ERBB4: variants seen among roughly 807,000 people sequenced by gnomAD.
ERBB4 encodes erb-b2 receptor tyrosine kinase 4, also known as receptor tyrosine-protein kinase erbB-4.
Under a neutral mutation model 158.0 loss-of-function variants are expected in ERBB4, and 42 were observed. The ratio of observed to expected loss-of-function variants is 0.27; its 90% CI spans 0.21 to 0.34. The LOEUF is 0.34. ERBB4 is among the 10% of genes least tolerant of loss of function. The pLI is 1.00. For missense variants in ERBB4, 1,333 were observed against 1,624.1 expected (o/e 0.82, Z 3.08); for synonymous variants, 583 against 558.7 (o/e 1.04, Z -0.61).
At chr2:211,880,455 T>A (rs1212412616) in intron 3 of ERBB4, among the ~76,000 whole-genome samples, 1 of 152,164 alleles carries the variant, frequency 6.6e-6, no homozygotes, top group African/African-American at 2.4e-5. Context: ...ACACAGTAGA[T>A]GCCTAATAAA....
At chr2:211,492,488 C>G (rs2065368786) in intron 20 of ERBB4, among the ~76,000 whole-genome samples, 1 of 152,094 alleles carries the variant, frequency 6.6e-6, no homozygotes, top group Non-Finnish European at 1.5e-5. Context: ...TATTATGTGG[C>G]TGGCACTATT....
At chr2:212,004,116 G>A (rs2076206422) in intron 2 of ERBB4, among the ~76,000 whole-genome samples, 1 of 152,010 alleles carries the variant, frequency 6.6e-6, no homozygotes, top group African/African-American at 2.4e-5. Flanking sequence ...TATGATAATA[G>A]ATAAAATAAA....
chr2:211,525,003 G>A (rs1473479249), intron 20 of ERBB4, among the ~76,000 whole-genome samples: 2 of 152,184 alleles, frequency 1.3e-5, no homozygotes, highest in African/African-American at 4.8e-5. Context: ...AGCATTCAGA[G>A]AAGACCTAGC....
intron 3 of ERBB4, among the ~76,000 whole-genome samples, chr2:211,793,979 T>G (rs2076329502): frequency 6.6e-6 from 1 of 151,866 alleles, no homozygotes; most frequent in Non-Finnish European, 1.5e-5. Flanking sequence ...ATAATGTAAA[T>G]GAGTGACGTA....
At chr2:211,652,313 A>G (rs2071020909) in intron 16 of ERBB4, among the ~76,000 whole-genome samples, 1 of 152,178 alleles carries the variant, frequency 6.6e-6, no homozygotes, top group South Asian at 2.1e-4. Context: ...TCCAAAGTAA[A>G]TTTAATATAA....
chr2:211,408,473 T>C (rs2063189515), intron 25 of ERBB4, among the ~76,000 whole-genome samples: 1 of 152,192 alleles, frequency 6.6e-6, no homozygotes, highest in Non-Finnish European at 1.5e-5. Flanking sequence ...GAAAGGCTTC[T>C]CGTGCCAGCT....
Position 211,771,597 on chromosome 2 carries a change from T to C in ERBB4, c.556+16428A>G, listed in dbSNP as rs1203059473. Among the ~76,000 whole-genome samples, 3 of 152,202 alleles carry C rather than the reference T, an allele frequency of 2.0e-5. No individual in the cohort carries two copies. In the East Asian group the frequency reaches 5.8e-4, roughly 29 times the overall value. On this transcript the variant is annotated intron_variant, in intron 4 of 27. Coordinates refer to ENST00000342788, the MANE Select transcript of ERBB4 (RefSeq NM_005235.3). ...TAAGTATACAGTTTAATAATTTAAATGAAAAATGTTAGCAGAAAATGATGC... is the reference window on the plus strand; with the variant it reads ...TAAGTATACAGTTTAATAATTTAAACGAAAAATGTTAGCAGAAAATGATGC...
At chr2:211,547,790 G>A (rs2066981882) in intron 20 of ERBB4, among the ~76,000 whole-genome samples, 1 of 151,926 alleles carries the variant, frequency 6.6e-6, no homozygotes. Flanking sequence ...AAAAGTACTA[G>A]CTGAAGCATA....
chr2:212,103,768 T>C (rs999369063), intron 2 of ERBB4, among the ~76,000 whole-genome samples: 1 of 152,066 alleles, frequency 6.6e-6, no homozygotes, highest in Non-Finnish European at 1.5e-5. Context: ...CATTAAAATA[T>C]ATTTCCACTT....
chr2:212,134,201 T>TA (rs58566813), intron 1 of ERBB4, among the ~76,000 whole-genome samples: 1 of 152,102 alleles, frequency 6.6e-6, no homozygotes, highest in African/African-American at 2.4e-5. Context: ...AGTTTTTTTT[T>TA]AATCTTATTA....
chr2:212,126,198 T>TCA (rs1279477968), intron 1 of ERBB4, among the ~76,000 whole-genome samples: 1 of 152,126 alleles, frequency 6.6e-6, no homozygotes, highest in Non-Finnish European at 1.5e-5. Context: ...GCATGGTGGC[T>TCA]CACACCTGTT....
chr2:211,685,498 AAC>A (rs1227779496), intron 12 of ERBB4, among the ~76,000 whole-genome samples: 1 of 152,228 alleles, frequency 6.6e-6, no homozygotes, highest in East Asian at 1.9e-4. Flanking sequence ...CTCTACCAAT[AAC>A]ACACAGCCTT....
chr2:211,502,908 C>G (rs911722040), intron 20 of ERBB4, among the ~76,000 whole-genome samples: 8 of 152,108 alleles, frequency 5.3e-5, no homozygotes, highest in African/African-American at 1.4e-4. Context: ...GTCACAGTAT[C>G]AGGTAAGCCT....
intron 1 of ERBB4, among the ~76,000 whole-genome samples, chr2:212,480,049 T>G (rs890487604): frequency 6.6e-6 from 1 of 152,212 alleles, no homozygotes; most frequent in Non-Finnish European, 1.5e-5. Flanking sequence ...ATTCTCACTT[T>G]TAACTCTTGT....
intron 2 of ERBB4, among the ~76,000 whole-genome samples, chr2:212,113,025 G>A (rs1190847440): frequency 2.6e-5 from 4 of 152,170 alleles, no homozygotes; most frequent in East Asian, 1.9e-4. Context: ...TGTGACATAC[G>A]GTATAGTACC....
intron 1 of ERBB4, among the ~76,000 whole-genome samples, chr2:212,494,911 T>C (rs1211109637): frequency 1.3e-5 from 2 of 152,130 alleles, no homozygotes; most frequent in African/African-American, 2.4e-5. Flanking sequence ...AACTTTACAA[T>C]AGAGTTAATG....
chr2:212,093,223 A>G (rs2078831930), intron 2 of ERBB4, among the ~76,000 whole-genome samples: 1 of 152,210 alleles, frequency 6.6e-6, no homozygotes, highest in Admixed American at 6.5e-5. Flanking sequence ...TTATGTCATA[A>G]CAATTTGGAT....
At chr2:211,510,850 A>AT in intron 20 of ERBB4, among the ~76,000 whole-genome samples, 1 of 151,950 alleles carries the variant, frequency 6.6e-6, no homozygotes, top group East Asian at 1.9e-4. Flanking sequence ...AATCTCATTT[A>AT]TTTTTCCTTT....
At chr2:212,004,369 T>C (rs1164204942) in intron 2 of ERBB4, among the ~76,000 whole-genome samples, 1 of 152,152 alleles carries the variant, frequency 6.6e-6, no homozygotes, top group Non-Finnish European at 1.5e-5. Context: ...AAATCTCCTT[T>C]TGCTTCTCCC....
Sources: allele counts gnomAD v4.1 joint callset (sites outside exome capture counted in the v4.1 genomes callset), GRCh38; gene constraint gnomAD v4.1.1; transcripts MANE v1.5; gene names NCBI Gene and HGNC (gene_info 2026-07-23, HGNC 2026-07-21).